The following PDE5A variants were observed in gnomAD, a reference collection of about 807,000 sequenced individuals.
The protein encoded by PDE5A is phosphodiesterase 5A.
A neutral mutation model predicts 110.2 loss-of-function variants in PDE5A; 67 were observed. The observed-to-expected ratio is 0.61, with a 90% confidence interval of 0.50 to 0.75. PDE5A has a LOEUF of 0.75. Ranked by LOEUF, PDE5A falls within the 30% of genes least tolerant of loss-of-function variation. The pLI, the probability that PDE5A is intolerant of heterozygous loss-of-function variation, is 0.00. For synonymous variants in PDE5A, 328 were observed against 351.2 expected (o/e 0.93, Z 0.74); for missense variants, 862 against 1,045.1 (o/e 0.82, Z 2.42).
chr4:119,519,795 C>G (rs535074912), intron 13 of PDE5A, among the ~76,000 whole-genome samples: 2 of 152,212 alleles, frequency 1.3e-5, no homozygotes, highest in African/African-American at 4.8e-5. Flanking sequence ...TTATTCCTCA[C>G]AGAGAACTAG....
chr4:119,503,137 G>GT (rs1725425584), intron 18 of PDE5A, among the ~76,000 whole-genome samples: 1 of 152,052 alleles, frequency 6.6e-6, no homozygotes, highest in African/African-American at 2.4e-5. Flanking sequence ...TTTTGATCTT[G>GT]TTTTCTCGGC....
intron 14 of PDE5A, among the ~76,000 whole-genome samples, chr4:119,516,666 T>C (rs1006749961): frequency 6.6e-6 from 1 of 152,170 alleles, no homozygotes; most frequent in Non-Finnish European, 1.5e-5. Context: ...CTGCCCAGGC[T>C]GGCATCAGTG....
At chr4:119,576,179 T>A (rs1728336302) in intron 3 of PDE5A, among the ~76,000 whole-genome samples, 1 of 152,000 alleles carries the variant, frequency 6.6e-6, no homozygotes, top group South Asian at 2.1e-4. Flanking sequence ...GCACCCAGAT[T>A]CATAAAGCAA....
At chr4:119,592,103 T>A (rs1728988449) in intron 3 of PDE5A, among the ~76,000 whole-genome samples, 1 of 117,888 alleles carries the variant, frequency 8.5e-6, no homozygotes, top group African/African-American at 3.4e-5. Context: ...TGGGCCGAGA[T>A]CATACCACAC....
intron 17 of PDE5A, 122 bp downstream of exon 17, chr4:119,505,733 A>T (rs34244089): frequency 1.6e-6 from 1 of 617,700 alleles, no homozygotes; most frequent in African/African-American, 2.0e-5. Context: ...GAGAAATCTG[A>T]CCGCTTTTAA....
chr4:119,546,613 T>A (rs572655134), intron 9 of PDE5A, among the ~76,000 whole-genome samples: 5 of 152,272 alleles, frequency 3.3e-5, no homozygotes, highest in African/African-American at 1.2e-4. Context: ...GTATTACCAA[T>A]GTTTGTAAAT....
At chr4:119,536,498 G>A (rs1726728113) in intron 11 of PDE5A, among the ~76,000 whole-genome samples, 1 of 152,128 alleles carries the variant, frequency 6.6e-6, no homozygotes, top group Non-Finnish European at 1.5e-5. Context: ...CTTTAAACCT[G>A]TAAAGCTTTG....
At chr4:119,590,652 A>AT (rs1229683066) in intron 3 of PDE5A, among the ~76,000 whole-genome samples, 1 of 152,230 alleles carries the variant, frequency 6.6e-6, no homozygotes, top group African/African-American at 2.4e-5. Context: ...TGCTGTATCT[A>AT]TAACAGTTAT....
rs1218467202 is a variant in PDE5A at position 119,495,736 on chromosome 4, G to T, written c.*2865C>A. The stretch of plus-strand genomic sequence containing the variant: ...GTGACAACATCATCATCCTGGGTTT[G>T]TACCTTGAAGCAATATACTCAATGA... On this transcript the variant is annotated 3_prime_UTR_variant, in exon 21 of 21. Transcript: ENST00000354960. 6.6e-6 allele frequency: 1 copy of T among 152,220 alleles called. No homozygotes were observed. Among genetic ancestry groups the T allele is most frequent in the Non-Finnish European group, 1.5e-5 (1 of 68,028 alleles). The allele number at this position is 152,220 out of a possible 1,614,324, so 9.4% of individuals were successfully genotyped here. A position where few individuals can be genotyped will look rare whatever the true frequency, so the allele number is the denominator to read the frequency against.
chr4:119,568,403 T>C (rs889176573), intron 3 of PDE5A, among the ~76,000 whole-genome samples: 5 of 152,246 alleles, frequency 3.3e-5, no homozygotes, highest in Non-Finnish European at 7.4e-5. Flanking sequence ...TTGAAGGTCA[T>C]TGGGGTCTAA....
At chr4:119,557,885 A>G (rs781218295) in intron 7 of PDE5A, among the ~76,000 whole-genome samples, 3 of 152,176 alleles carry the variant, frequency 2.0e-5, no homozygotes, top group Non-Finnish European at 2.9e-5. Context: ...AATTACACTT[A>G]TATTTTCTAA....
chr4:119,618,072 A>C (rs1730003246), intron 1 of PDE5A, among the ~76,000 whole-genome samples: 1 of 152,172 alleles, frequency 6.6e-6, no homozygotes, highest in Non-Finnish European at 1.5e-5. Flanking sequence ...AGTATAGCAC[A>C]GTGATTAAGG....
chr4:119,545,915 T>C (rs1159251231), intron 9 of PDE5A, among the ~76,000 whole-genome samples: 6 of 152,174 alleles, frequency 3.9e-5, no homozygotes, highest in African/African-American at 1.2e-4. Context: ...CACTTTTCAT[T>C]TGTCAATCAT....
intron 3 of PDE5A, among the ~76,000 whole-genome samples, chr4:119,584,581 C>T (rs1273838207): frequency 6.6e-6 from 1 of 152,178 alleles, no homozygotes; most frequent in Non-Finnish European, 1.5e-5. Flanking sequence ...TATCAAGTGT[C>T]AAATTATGTG....
In PDE5A at chr4:119,520,931, G is replaced by A; in HGVS notation, c.1905+4C>T. The A allele has an allele frequency of 6.2e-7, 1 of 1,606,404 alleles. No individual in the cohort carries two copies. On this transcript the variant is annotated splice_donor_region_variant and intron_variant, in intron 13 of 20. Coordinates refer to ENST00000354960, the MANE Select transcript of PDE5A (RefSeq NM_001083.4). ...TTAGATATATGAATGGCTCTAAAAA[G>A]TACCTGAATTTTGCCTGCTTTTAGA... is the stretch of plus-strand genomic sequence containing the variant.
At chr4:119,602,663 C>A (rs183744628) in intron 2 of PDE5A, among the ~76,000 whole-genome samples, 170 of 152,260 alleles carry the variant, frequency 1.1e-3, no homozygotes, top group African/African-American at 3.9e-3. Context: ...AAATAATCAT[C>A]TGAAATTCAG....
chr4:119,626,235 C>A (rs1481127038), intron 1 of PDE5A, among the ~76,000 whole-genome samples: 1 of 152,058 alleles, frequency 6.6e-6, no homozygotes, highest in Admixed American at 6.5e-5. Context: ...GATTTTGATC[C>A]TATGCTGCTT....
intron 14 of PDE5A, among the ~76,000 whole-genome samples, chr4:119,515,053 A>G (rs1488544020): frequency 6.6e-6 from 1 of 152,182 alleles, no homozygotes; most frequent in Non-Finnish European, 1.5e-5. Flanking sequence ...TAATATATAA[A>G]AAGTGCAAAA....
At chr4:119,588,462 C>T (rs908695778) in intron 3 of PDE5A, among the ~76,000 whole-genome samples, 3 of 150,924 alleles carry the variant, frequency 2.0e-5, no homozygotes, top group Non-Finnish European at 4.4e-5. Flanking sequence ...CAGGCGTGAG[C>T]CACCGCGCCT....
Sources: allele counts gnomAD v4.1 joint callset (sites outside exome capture counted in the v4.1 genomes callset), GRCh38; gene constraint gnomAD v4.1.1; transcripts MANE v1.5; gene names NCBI Gene and HGNC (gene_info 2026-07-23, HGNC 2026-07-21).